HASPIN: variants seen among roughly 807,000 people sequenced by gnomAD.
The protein encoded by HASPIN is serine/threonine-protein kinase haspin.
Under a neutral mutation model 28.8 loss-of-function variants are expected in HASPIN, and 24 were observed. The ratio of observed to expected loss-of-function variants is 0.83; its 90% CI spans 0.60 to 1.17. The LOEUF (loss-of-function observed/expected upper bound fraction) is 1.17, where lower values mean the gene tolerates loss of function less well. Ranked by LOEUF, HASPIN falls within the 50% of genes most tolerant of loss-of-function variation. HASPIN has a pLI of 0.00. For missense variants in HASPIN, 1,016 were observed against 1,018.5 expected (o/e 1.00, Z 0.03); for synonymous variants, 440 against 413.1 (o/e 1.07, Z -0.79).
chr17:3,724,468 G>T lies in HASPIN; in HGVS notation c.533G>T (p.Gly178Val). ...AGCTCTCTGGCCTCGCCCTGCCCCG[G>T]GTCCCCAACGCCAAGGGACAGTGTC... ...LFSSLASPCP[G>V]SPTPRDSVIS... is the part of the protein sequence containing the mutation. Residue 178 changes from glycine (G) to valine (V), a missense_variant, in exon 1 of 1, where the codon GGG (glycine) becomes GTG (valine). By Grantham distance (109) the Gly-to-Val change is moderately radical. This residue lies in a region of HASPIN where 881 missense variants were observed against 845.5 expected (regional missense o/e 1.04). Transcript: ENST00000325418. 1 of 1,613,802 alleles carries T rather than the reference G, an allele frequency of 6.2e-7. No individual in the cohort carries two copies. Among genetic ancestry groups the T allele is most frequent in the Non-Finnish European group, 8.5e-7 (1 of 1,180,008 alleles).
At position 3,724,130 on chromosome 17, in the gene HASPIN, T is replaced by C; in HGVS notation, c.195T>C (p.Asp65=). The part of the protein sequence containing the change: ...GDPSQSDDPD[D]PDDPDFPGSP... ...CCTCGCAGTCCGACGATCCTGACGA[T>C]CCCGACGACCCCGACTTCCCCGGCA... is the stretch of plus-strand genomic sequence containing the variant. The change falls in exon 1 of 1, where the codon GAT becomes GAC. Residue 65 remains aspartate (D), a synonymous_variant. Coordinates refer to ENST00000325418, the MANE Select transcript of HASPIN (RefSeq NM_031965.2). 1 of 1,594,696 alleles carries C rather than the reference T, an allele frequency of 6.3e-7. No individual in the cohort carries two copies.
Position 3,724,630 on chromosome 17 carries a change from G to C in HASPIN, c.695G>C (p.Arg232Thr). 5 of 1,614,204 alleles carry C rather than the reference G, an allele frequency of 3.1e-6. No individual in the cohort carries two copies. Among genetic ancestry groups the C allele is most frequent in the Non-Finnish European group, 4.2e-6 (5 of 1,180,036 alleles). ...EEATGGAKDT[R>T]MVHQTRASLR... is the part of the protein sequence containing the mutation. ...GCGACAGGAGGAGCCAAGGACACCAGGATGGTCCACCAAACCCGCGCCAGC... is the reference window on the plus strand; with the variant it reads ...GCGACAGGAGGAGCCAAGGACACCACGATGGTCCACCAAACCCGCGCCAGC... The change falls in exon 1 of 1, where the codon AGG (arginine) becomes ACG (threonine). Residue 232 changes from arginine to threonine, a missense_variant. Around this residue, in one of 3 missense-constraint regions of HASPIN, gnomAD observed 881 missense variants for 845.5 expected, o/e 1.04. Coordinates refer to ENST00000325418, the MANE Select transcript of HASPIN (RefSeq NM_031965.2).
chr17:3,725,482 A>G lies in HASPIN; in HGVS notation c.1547A>G (p.Glu516Gly). 1 of 1,614,216 alleles carries G rather than the reference A, an allele frequency of 6.2e-7. No individual in the cohort carries two copies. Among genetic ancestry groups the G allele is most frequent in the Non-Finnish European group, 8.5e-7 (1 of 1,180,036 alleles). ...GTAGCCATAAAAATCATTGCTATTG[A>G]AGGACCAGATTTAGTCAATGGATCC... ...TPVAIKIIAIEGPDLVNGSHQ... is the reference protein window; with the variant it reads ...TPVAIKIIAIGGPDLVNGSHQ... The change falls in exon 1 of 1, where the codon GAA becomes GGA. Residue 516 changes from glutamate to glycine, a missense_variant. Glu to Gly is a moderately conservative substitution (Grantham distance 98). Coordinates refer to ENST00000325418, the MANE Select transcript of HASPIN (RefSeq NM_031965.2).
At position 3,724,646 on chromosome 17, in the gene HASPIN, C is replaced by A; in HGVS notation, c.711C>A (p.Thr237=). ...AGGACACCAGGATGGTCCACCAAAC[C>A]CGCGCCAGCCTCAGGTCAGTTCTCT... ...GAKDTRMVHQ[T]RASLRSVLFG... is the part of the protein sequence containing the mutation. The change falls in exon 1 of 1, where the codon ACC becomes ACA. Residue 237 remains threonine, a synonymous_variant. Coordinates refer to ENST00000325418, the MANE Select transcript of HASPIN (RefSeq NM_031965.2). 1 of 1,614,208 alleles carries A rather than the reference C, an allele frequency of 6.2e-7. No individual in the cohort carries two copies. The highest frequency in any genetic ancestry group is 8.5e-7 in the Non-Finnish European group (1 of 1,180,034).
At position 3,724,639 on chromosome 17, in the gene HASPIN, A is replaced by G. The variant is rs1326006223; in HGVS notation, c.704A>G (p.His235Arg). Residue 235 changes from histidine to arginine, a missense_variant, in exon 1 of 1, where the codon CAC (histidine) becomes CGC (arginine). His to Arg is a conservative substitution (Grantham distance 29). Coordinates refer to ENST00000325418, the MANE Select transcript of HASPIN (RefSeq NM_031965.2). Reference sequence around the variant, plus strand: ...GGAGCCAAGGACACCAGGATGGTCCACCAAACCCGCGCCAGCCTCAGGTCA... The same window carrying G: ...GGAGCCAAGGACACCAGGATGGTCCGCCAAACCCGCGCCAGCCTCAGGTCA... ...TGGAKDTRMV[H>R]QTRASLRSVL... is the part of the protein sequence containing the mutation. 3 of 1,614,080 alleles carry G rather than the reference A, an allele frequency of 1.9e-6. No individual in the cohort carries two copies. Among genetic ancestry groups the G allele is most frequent in the Non-Finnish European group, 2.5e-6 (3 of 1,180,042 alleles).
At position 3,726,382 on chromosome 17, in the gene HASPIN, C is replaced by T. The variant is rs2051214511; in HGVS notation, c.*50C>T. 1 of 1,322,490 alleles carries T rather than the reference C, an allele frequency of 7.6e-7. No homozygotes were observed. 81.9% of individuals were successfully genotyped at this position (1,322,490 alleles called of 1,614,324 possible). A position where few individuals can be genotyped will look rare whatever the true frequency, so the allele number is the denominator to read the frequency against. Reference sequence around the variant, plus strand: ...AATGAGAGGAGACTGGTCTTGAAGCCTCTGGTGCTGTTTCAACCTCCATCC... The same window carrying T: ...AATGAGAGGAGACTGGTCTTGAAGCTTCTGGTGCTGTTTCAACCTCCATCC... On this transcript the variant is annotated 3_prime_UTR_variant, in exon 1 of 1. Transcript: ENST00000325418.
In HASPIN at chr17:3,726,415, AG is replaced by A. The variant is rs1418264634; in HGVS notation, c.*86del. 1 of 893,776 alleles carries A rather than the reference AG, an allele frequency of 1.1e-6. No individual in the cohort carries two copies. Among genetic ancestry groups the A allele is most frequent in the Non-Finnish European group, 1.7e-6 (1 of 573,388 alleles). 55.4% of individuals were successfully genotyped at this position (893,776 alleles called of 1,614,324 possible). ...CTGTTTCAACCTCCATCCCCACAGGAGGGTGGAACTCCCATTCTCACAGGTT... is the reference window on the plus strand; with the variant it reads ...CTGTTTCAACCTCCATCCCCACAGGAGGTGGAACTCCCATTCTCACAGGTT... On this transcript the variant is annotated 3_prime_UTR_variant, in exon 1 of 1. Coordinates refer to ENST00000325418, the MANE Select transcript of HASPIN (RefSeq NM_031965.2).
rs1337053330 is a variant in HASPIN, at chr17:3,723,957, C to T, written c.22C>T (p.Pro8Ser). The part of the protein sequence containing the change: MAASLPG[P>S]GSRLFRTYGA... ...GGCCATGGCGGCTTCGCTCCCGGGA[C>T]CTGGGAGCCGGCTTTTCCGCACATA... is the stretch of plus-strand genomic sequence containing the variant. Residue 8 changes from proline to serine, a missense_variant, in exon 1 of 1, where the codon CCT (proline) becomes TCT (serine). Transcript: ENST00000325418. 6.4e-7 allele frequency: 1 copy of T among 1,568,040 alleles called. No homozygotes were observed. Among genetic ancestry groups the T allele is most frequent in the Admixed American group, 1.8e-5 (1 of 54,144 alleles).
Position 3,725,362 on chromosome 17 carries a change from G to A in HASPIN, c.1427G>A (p.Ser476Asn). 5 of 1,613,224 alleles carry A rather than the reference G, an allele frequency of 3.1e-6. No homozygotes were observed. Among genetic ancestry groups the A allele is most frequent in the Non-Finnish European group, 4.2e-6 (5 of 1,179,406 alleles). Residue 476 changes from serine (S) to asparagine (N), a missense_variant, in exon 1 of 1, where the codon AGC becomes AAC. Coordinates refer to ENST00000325418, the MANE Select transcript of HASPIN (RefSeq NM_031965.2). The part of the protein sequence containing the change: ...ECSQKGPVPF[S>N]HCLPTEKLQR... ...AGTCAGAAGGGTCCTGTCCCCTTTA[G>A]CCATTGCCTTCCCACAGAAAAACTG...
Position 3,725,921 on chromosome 17 carries a change from CAAAA to C in HASPIN, c.1989_1992del (p.Lys663AsnfsTer20). On this transcript the variant is annotated frameshift_variant, in exon 1 of 1. Coordinates refer to ENST00000325418, the MANE Select transcript of HASPIN (RefSeq NM_031965.2). LOFTEE classifies it high-confidence loss of function. ...ACGTGCTCTTAAAGAAAACCAGCCT[CAAAA>C]AACTCCACTACACCCTCAATGGGAA... 2 of 1,613,506 alleles carry C rather than the reference CAAAA, an allele frequency of 1.2e-6. No individual in the cohort carries two copies. The highest frequency in any genetic ancestry group is 1.7e-6 in the Non-Finnish European group (2 of 1,179,992).
In HASPIN at chr17:3,726,293, T is replaced by C. The variant is rs761923141; in HGVS notation, c.2358T>C (p.Ser786=). Residue 786 remains serine, a synonymous_variant, in exon 1 of 1, where the codon TCT becomes TCC. Coordinates refer to ENST00000325418, the MANE Select transcript of HASPIN (RefSeq NM_031965.2). ...EFHRTMLNFS[S]ATDLLCQHSL... is the part of the protein sequence containing the mutation. ...ACAGGACAATGCTGAACTTCAGCTC[T>C]GCCACTGACTTGCTCTGCCAGCACA... 1.2e-6 allele frequency: 2 copies of C among 1,613,966 alleles called. No individual in the cohort carries two copies. Among genetic ancestry groups the C allele is most frequent in the Admixed American group, 1.7e-5 (1 of 60,010 alleles).
Position 3,725,452 on chromosome 17 carries a change from C to T in HASPIN, c.1517C>T (p.Thr506Ile). 1 of 1,614,198 alleles carries T rather than the reference C, an allele frequency of 6.2e-7. No individual in the cohort carries two copies. Among genetic ancestry groups the T allele is most frequent in the Non-Finnish European group, 8.5e-7 (1 of 1,180,032 alleles). Reference sequence around the variant, plus strand: ...GTGTTTCAAACAATTGCTGATCACACACCCGTAGCCATAAAAATCATTGCT... The same window carrying T: ...GTGTTTCAAACAATTGCTGATCACATACCCGTAGCCATAAAAATCATTGCT... ...GEVFQTIADH[T>I]PVAIKIIAIE... The change falls in exon 1 of 1, where the codon ACA becomes ATA. Residue 506 changes from threonine to isoleucine, a missense_variant. Around this residue, in one of 3 missense-constraint regions of HASPIN, gnomAD observed 881 missense variants for 845.5 expected, o/e 1.04. Transcript: ENST00000325418.
chr17:3,724,473 C>A lies in HASPIN; in HGVS notation c.538C>A (p.Pro180Thr), dbSNP rs1321595963. Residue 180 changes from proline to threonine, a missense_variant, in exon 1 of 1, where the codon CCA becomes ACA. Coordinates refer to ENST00000325418, the MANE Select transcript of HASPIN (RefSeq NM_031965.2). ...TCTGGCCTCGCCCTGCCCCGGGTCC[C>A]CAACGCCAAGGGACAGTGTCATCTC... ...SSLASPCPGS[P>T]TPRDSVISIG... 1 of 1,613,902 alleles carries A rather than the reference C, an allele frequency of 6.2e-7. No individual in the cohort carries two copies. Among genetic ancestry groups the A allele is most frequent in the African/African-American group, 1.3e-5 (1 of 75,048 alleles).
chr17:3,725,125 C>T lies in HASPIN; in HGVS notation c.1190C>T (p.Thr397Ile). 6.2e-7 allele frequency: 1 copy of T among 1,614,212 alleles called. No individual in the cohort carries two copies. Among genetic ancestry groups the T allele is most frequent in the Non-Finnish European group, 8.5e-7 (1 of 1,180,040 alleles). The change falls in exon 1 of 1, where the codon ACT (threonine) becomes ATT (isoleucine). Residue 397 changes from threonine to isoleucine, a missense_variant. Physicochemically the swap from Thr to Ile is moderately conservative, Grantham distance 89. Around this residue, in one of 3 missense-constraint regions of HASPIN, gnomAD observed 881 missense variants for 845.5 expected, o/e 1.04. Transcript: ENST00000325418. ...AGTTTCCACAAGAAGAAAATTGTGA[C>T]TGATGTGTCAGAGGTCTGCAGCATC... ...SFSFHKKKIV[T>I]DVSEVCSIYT...
chr17:3,726,411 C>A lies in HASPIN; in HGVS notation c.*79C>A. The A allele has an allele frequency of 1.1e-6, 1 of 941,442 alleles. No individual in the cohort carries two copies. The highest frequency in any genetic ancestry group is 1.6e-6 in the Non-Finnish European group (1 of 614,402). The allele number at this position is 941,442 out of a possible 1,614,324, so 58.3% of individuals were successfully genotyped here. The stretch of plus-strand genomic sequence containing the variant: ...GGTGCTGTTTCAACCTCCATCCCCA[C>A]AGGAGGGTGGAACTCCCATTCTCAC... On this transcript the variant is annotated 3_prime_UTR_variant, in exon 1 of 1. Coordinates refer to ENST00000325418, the MANE Select transcript of HASPIN (RefSeq NM_031965.2).
Position 3,724,264 on chromosome 17 carries a change from C to G in HASPIN, c.329C>G (p.Thr110Ser). ...RWKLRARPSL[T>S]VTPRRLGLRA... ...AAGCTGCGAGCTCGCCCAAGCCTAA[C>G]CGTGACCCCAAGACGCCTGGGGCTG... Residue 110 changes from threonine to serine, a missense_variant, in exon 1 of 1, where the codon ACC (threonine) becomes AGC (serine). By Grantham distance (58) the Thr-to-Ser change is moderately conservative. This residue lies in a region of HASPIN where 881 missense variants were observed against 845.5 expected (regional missense o/e 1.04). Transcript: ENST00000325418. The G allele has an allele frequency of 6.3e-7, 1 of 1,591,548 alleles. No homozygotes were observed. Among genetic ancestry groups the G allele is most frequent in the Non-Finnish European group, 8.5e-7 (1 of 1,176,306 alleles).
In HASPIN at chr17:3,725,080, C is replaced by A. The variant is rs756101851; in HGVS notation, c.1145C>A (p.Thr382Asn). 1.7e-5 allele frequency: 27 copies of A among 1,614,066 alleles called. No homozygotes were observed. The highest frequency in any genetic ancestry group is 2.3e-5 in the Non-Finnish European group (27 of 1,180,042). Residue 382 changes from threonine to asparagine, a missense_variant, in exon 1 of 1, where the codon ACC (threonine) becomes AAC (asparagine). Physicochemically the swap from Thr to Asn is moderately conservative, Grantham distance 65. Around this residue, in one of 3 missense-constraint regions of HASPIN, gnomAD observed 881 missense variants for 845.5 expected, o/e 1.04. Coordinates refer to ENST00000325418, the MANE Select transcript of HASPIN (RefSeq NM_031965.2). The part of the protein sequence containing the change: ...LTPLQNVCFW[T>N]KTRASFSFHK... ...CCTTTACAGAATGTCTGCTTTTGGA[C>A]CAAAACCAGGGCTTCCTTCAGTTTC... is the stretch of plus-strand genomic sequence containing the variant.
At position 3,726,553 on chromosome 17, in the gene HASPIN, C is replaced by T. The variant is rs565733341; in HGVS notation, c.*221C>T. 1.0e-4 allele frequency: 55 copies of T among 547,124 alleles called. No individual in the cohort carries two copies. The highest frequency in any genetic ancestry group is 4.8e-4 in the Middle Eastern group (1 of 2,074). 33.9% of individuals were successfully genotyped at this position (547,124 alleles called of 1,614,324 possible). On this transcript the variant is annotated 3_prime_UTR_variant, in exon 1 of 1. Coordinates refer to ENST00000325418, the MANE Select transcript of HASPIN (RefSeq NM_031965.2). ...TTCTGAAAGAAGTAAACTAGCCGGG[C>T]ACAGTGGCGTGCGCCTGTAGTCCCA...
rs763175501 is a variant in HASPIN, at chr17:3,724,580, A to G, written c.645A>G (p.Ala215=). 3 of 1,614,046 alleles carry G rather than the reference A, an allele frequency of 1.9e-6. No homozygotes were observed. The highest frequency in any genetic ancestry group is 2.5e-6 in the Non-Finnish European group (3 of 1,180,022). The change falls in exon 1 of 1, where the codon GCA becomes GCG. Residue 215 remains alanine (A), a synonymous_variant. Coordinates refer to ENST00000325418, the MANE Select transcript of HASPIN (RefSeq NM_031965.2). ...LHLPEVSLDR[A]SLPCSQEEAT... is the part of the protein sequence containing the mutation. ...TCCCAGAAGTCTCCCTGGACCGAGC[A>G]TCTCTCCCCTGCTCCCAGGAGGAAG...
Sources: gnomAD v4.1 joint callset for allele counts on GRCh38, gnomAD v4.1.1 for gene constraint, gnomAD v4.1.1 regional missense constraint, MANE v1.5 for transcripts, NCBI Gene and HGNC (gene_info 2026-07-23, HGNC 2026-07-21) for gene names.